LYPLAL1: variants seen among roughly 807,000 people sequenced by gnomAD.
LYPLAL1 encodes the protein lysophospholipase like 1.
In LYPLAL1, 23 loss-of-function variants were observed where a neutral mutation model predicts 19.7. The observed-to-expected ratio is 1.17, with a 90% confidence interval of 0.84 to 1.65. The LOEUF is 1.65. Ranked by LOEUF, LYPLAL1 falls within the 40% of genes most tolerant of loss-of-function variation. The probability of loss-of-function intolerance (pLI) is 0.00; values close to 1 mark genes in which losing one functional copy is unlikely to be tolerated. For missense variants in LYPLAL1, 355 were observed against 279.4 expected (o/e 1.27, Z -1.93); for synonymous variants, 119 against 96.3 (o/e 1.24, Z -1.38).
the LYPLAL1 span, among the ~76,000 whole-genome samples, chr1:219,374,564 A>G: frequency 6.6e-6 from 1 of 151,950 alleles, no homozygotes; most frequent in Non-Finnish European, 1.5e-5. Flanking sequence ...TTTGTAACCA[A>G]AAATCACTAG....
At chr1:219,428,387 G>A in the LYPLAL1 span, among the ~76,000 whole-genome samples, 1 of 152,172 alleles carries the variant, frequency 6.6e-6, no homozygotes, top group Admixed American at 6.5e-5. Context: ...ATGTTAAGTA[G>A]CTACTTTAAG....
At chr1:219,315,582 A>G in the LYPLAL1 span, among the ~76,000 whole-genome samples, 1 of 152,180 alleles carries the variant, frequency 6.6e-6, no homozygotes, top group Non-Finnish European at 1.5e-5. Flanking sequence ...GTTCTTGGTA[A>G]AATATGAAAA....
At chr1:219,373,883 A>AAAAAAAAAAAAAAAAAAAAC in the LYPLAL1 span, among the ~76,000 whole-genome samples, 4 of 2,758 alleles carry the variant, frequency 1.5e-3, no homozygotes, top group Non-Finnish European at 4.7e-3. Context: ...AAAAAAAAAC[A>AAAAAAAAAAAAAAAAAAAAC]AAAAAAAAAA....
At chr1:219,399,773 C>T in the LYPLAL1 span, among the ~76,000 whole-genome samples, 1 of 152,144 alleles carries the variant, frequency 6.6e-6, no homozygotes, top group Non-Finnish European at 1.5e-5. Context: ...TCGGTCAGAC[C>T]AGCCCCATCT....
chr1:219,284,295 G>A, the LYPLAL1 span, among the ~76,000 whole-genome samples: 1 of 152,174 alleles, frequency 6.6e-6, no homozygotes, highest in African/African-American at 2.4e-5. Flanking sequence ...ATGGCTTAAT[G>A]AGCAAAAGTC....
the LYPLAL1 span, among the ~76,000 whole-genome samples, chr1:219,436,584 C>T: frequency 2.0e-5 from 3 of 151,948 alleles, no homozygotes; most frequent in African/African-American, 7.3e-5. Context: ...ATTCCTTGCC[C>T]CATGGGAAGA....
chr1:219,309,594 G>A, the LYPLAL1 span, among the ~76,000 whole-genome samples: 1 of 152,092 alleles, frequency 6.6e-6, no homozygotes, highest in Non-Finnish European at 1.5e-5. Context: ...TACTCTTCTC[G>A]TGGTTGTGAA....
the LYPLAL1 span, among the ~76,000 whole-genome samples, chr1:219,228,163 C>T: frequency 2.0e-5 from 3 of 152,152 alleles, no homozygotes. Context: ...GAAAACTTCC[C>T]TAAAGGGTCC....
chr1:219,272,627 A>C, the LYPLAL1 span: 2 of 152,058 alleles, frequency 1.3e-5, no homozygotes, highest in African/African-American at 4.8e-5. Flanking sequence ...AACAAAAAAA[A>C]TTAACTGAGT....
chr1:219,218,719 TACAG>T, the LYPLAL1 span, among the ~76,000 whole-genome samples: 6 of 152,144 alleles, frequency 3.9e-5, no homozygotes, highest in African/African-American at 1.4e-4. Flanking sequence ...GAAGGTAAGA[TACAG>T]ACCCATGCAT....
At chr1:219,239,679 A>G in the LYPLAL1 span, among the ~76,000 whole-genome samples, 4 of 152,242 alleles carry the variant, frequency 2.6e-5, no homozygotes, top group Non-Finnish European at 5.9e-5. Context: ...GTGACAATAT[A>G]AACTCCTGAC....
At chr1:219,257,721 G>T in the LYPLAL1 span, among the ~76,000 whole-genome samples, 1 of 151,954 alleles carries the variant, frequency 6.6e-6, no homozygotes, top group African/African-American at 2.4e-5. Context: ...ACTGATGAGG[G>T]TCTGTGTTCA....
chr1:219,250,659 A>G, the LYPLAL1 span, among the ~76,000 whole-genome samples: 34 of 151,978 alleles, frequency 2.2e-4, no homozygotes, highest in Admixed American at 3.9e-4. Context: ...GCTGCATAGT[A>G]TTCCATGGTG....
chr1:219,268,817 A>G, the LYPLAL1 span, among the ~76,000 whole-genome samples: 1 of 152,192 alleles, frequency 6.6e-6, no homozygotes, highest in African/African-American at 2.4e-5. Flanking sequence ...CCAAATATTC[A>G]TCAACCTCAC....
the LYPLAL1 span, among the ~76,000 whole-genome samples, chr1:219,232,557 CT>C: frequency 6.6e-6 from 1 of 152,228 alleles, no homozygotes; most frequent in East Asian, 1.9e-4. Context: ...AAATTACAAA[CT>C]TCTGTATGTC....
chr1:219,207,335 G>T (rs1479664723), intron 3 of LYPLAL1, among the ~76,000 whole-genome samples: 1 of 151,978 alleles, frequency 6.6e-6, no homozygotes, highest in East Asian at 1.9e-4. Flanking sequence ...TTAAAAATTA[G>T]ACATATGCAG....
chr1:219,238,698 C>T, the LYPLAL1 span, among the ~76,000 whole-genome samples: 1 of 151,958 alleles, frequency 6.6e-6, no homozygotes, highest in Non-Finnish European at 1.5e-5. Context: ...CAGAGAAAAT[C>T]AAATAGAAAA....
chr1:219,231,622 A>C, the LYPLAL1 span, among the ~76,000 whole-genome samples: 2 of 152,184 alleles, frequency 1.3e-5, no homozygotes. Flanking sequence ...TTTATTTACT[A>C]ATTTTCTTAA....
At chr1:219,229,973 A>G in the LYPLAL1 span, among the ~76,000 whole-genome samples, 2 of 152,200 alleles carry the variant, frequency 1.3e-5, no homozygotes, top group Non-Finnish European at 2.9e-5. Context: ...TCTGTAGGGC[A>G]ATGTATTATT....
Sources: gnomAD v4.1 joint callset for allele counts (sites outside exome capture counted in the v4.1 genomes callset) on GRCh38, gnomAD v4.1.1 for gene constraint, MANE v1.5 for transcripts, NCBI Gene and HGNC (gene_info 2026-07-23, HGNC 2026-07-21) for gene names.